The following GPC6 variants were observed in gnomAD, a reference collection of about 807,000 sequenced individuals.
GPC6 encodes glypican 6, also known as glypican-6.
In GPC6, 14 loss-of-function variants were observed where a neutral mutation model predicts 55.2. The ratio of observed to expected loss-of-function variants is 0.25; its 90% CI spans 0.17 to 0.40. The LOEUF (loss-of-function observed/expected upper bound fraction) is 0.40, where lower values mean the gene tolerates loss of function less well. Among genes scored for constraint, GPC6 ranks in the 10% least tolerant of loss-of-function variants. The pLI is 1.00. For missense variants in GPC6, 641 were observed against 708.5 expected (o/e 0.90, Z 1.08); for synonymous variants, 278 against 259.6 (o/e 1.07, Z -0.68).
intron 4 of GPC6, among the ~76,000 whole-genome samples, chr13:94,070,162 G>C (rs1414700394): frequency 6.6e-6 from 1 of 152,192 alleles, no homozygotes; most frequent in East Asian, 1.9e-4. Context: ...CATCTTACAA[G>C]GATGGCGGCA....
chr13:93,996,101 A>AT (rs1881541810), intron 3 of GPC6, among the ~76,000 whole-genome samples: 1 of 152,204 alleles, frequency 6.6e-6, no homozygotes, highest in Non-Finnish European at 1.5e-5. Context: ...TCCTGGAACC[A>AT]TTTTTATTTG....
intron 1 of GPC6, among the ~76,000 whole-genome samples, chr13:93,232,744 T>G (rs1473161910): frequency 2.0e-5 from 3 of 152,180 alleles, no homozygotes; most frequent in Non-Finnish European, 4.4e-5. Context: ...AAATTATGGA[T>G]GAAATTTACG....
At chr13:93,494,049 C>T (rs1284872612) in intron 1 of GPC6, among the ~76,000 whole-genome samples, 4 of 127,536 alleles carry the variant, frequency 3.1e-5, no homozygotes, top group African/African-American at 8.9e-5. Flanking sequence ...CCGCTTGGTG[C>T]AGCGCTGAGT....
chr13:93,826,053 T>C (rs1382939208), intron 2 of GPC6, among the ~76,000 whole-genome samples: 7 of 151,604 alleles, frequency 4.6e-5, no homozygotes, highest in Non-Finnish European at 8.8e-5. Context: ...AGAGACGGGG[T>C]TTCACCAGTT....
At chr13:94,170,192 A>C (rs1475873066) in intron 4 of GPC6, among the ~76,000 whole-genome samples, 1 of 152,224 alleles carries the variant, frequency 6.6e-6, no homozygotes, top group Non-Finnish European at 1.5e-5. Flanking sequence ...CACACAAGCA[A>C]TGGCATCAGC....
At chr13:93,738,514 A>G (rs192584638) in intron 2 of GPC6, among the ~76,000 whole-genome samples, 41 of 152,252 alleles carry the variant, frequency 2.7e-4, no homozygotes, top group East Asian at 1.5e-3. Flanking sequence ...TTCATATACC[A>G]CATATTTACT....
chr13:93,804,774 T>C (rs924616471), intron 2 of GPC6, among the ~76,000 whole-genome samples: 1 of 152,190 alleles, frequency 6.6e-6, no homozygotes. Context: ...TTTCCTACTA[T>C]GCTGCAGGCA....
chr13:93,455,850 A>G (rs896289918), intron 1 of GPC6, among the ~76,000 whole-genome samples: 1 of 152,138 alleles, frequency 6.6e-6, no homozygotes, highest in Non-Finnish European at 1.5e-5. Context: ...ACCCTCTCAA[A>G]TATCAAGCAT....
intron 1 of GPC6, among the ~76,000 whole-genome samples, chr13:93,297,015 T>C (rs900098809): frequency 2.0e-5 from 3 of 152,166 alleles, no homozygotes; most frequent in Non-Finnish European, 2.9e-5. Context: ...CTGAGTCACG[T>C]GTAGGCTGGA....
intron 4 of GPC6, among the ~76,000 whole-genome samples, chr13:94,177,570 CCAAT>C (rs371474784): frequency 1.9e-3 from 285 of 152,106 alleles, no homozygotes; most frequent in African/African-American, 6.5e-3. Flanking sequence ...TCAATTGTCA[CCAAT>C]CAAATTAGCA....
chr13:93,339,422 C>T (rs2139147812), intron 1 of GPC6, among the ~76,000 whole-genome samples: 1 of 150,272 alleles, frequency 6.7e-6, no homozygotes, highest in Middle Eastern at 3.6e-3. Flanking sequence ...ATCAAGTGCT[C>T]ATTTATTATC....
chr13:94,303,889 G>C (rs1210761819), intron 5 of GPC6, among the ~76,000 whole-genome samples: 4 of 152,018 alleles, frequency 2.6e-5, no homozygotes, highest in African/African-American at 9.7e-5. Flanking sequence ...AACCCAGTGA[G>C]CCACATTTTT....
chr13:93,254,636 T>A (rs1262047410), intron 1 of GPC6, among the ~76,000 whole-genome samples: 1 of 152,156 alleles, frequency 6.6e-6, no homozygotes, highest in Non-Finnish European at 1.5e-5. Flanking sequence ...CATTTGAAAG[T>A]GTGAACATTT....
intron 1 of GPC6, among the ~76,000 whole-genome samples, chr13:93,441,595 C>T (rs1877805903): frequency 6.6e-6 from 1 of 151,858 alleles, no homozygotes; most frequent in African/African-American, 2.4e-5. Context: ...GGATATTAGC[C>T]CTTTGTCAGA....
At chr13:94,061,155 T>C (rs988729641) in intron 4 of GPC6, among the ~76,000 whole-genome samples, 1 of 152,202 alleles carries the variant, frequency 6.6e-6, no homozygotes, top group African/African-American at 2.4e-5. Context: ...ATAAATGTAA[T>C]TGTTTTCAAA....
At chr13:93,734,748 A>G (rs1311416828) in intron 2 of GPC6, among the ~76,000 whole-genome samples, 6 of 152,180 alleles carry the variant, frequency 3.9e-5, no homozygotes, top group Non-Finnish European at 8.8e-5. Flanking sequence ...AAAATAACCA[A>G]TTGCCTGATT....
chr13:93,255,741 C>T (rs1274474485), intron 1 of GPC6, among the ~76,000 whole-genome samples: 1 of 152,086 alleles, frequency 6.6e-6, no homozygotes, highest in Non-Finnish European at 1.5e-5. Context: ...AAAATATAAG[C>T]CTGTATACCA....
chr13:94,351,977 A>AG (rs1243706565), intron 6 of GPC6, among the ~76,000 whole-genome samples: 25 of 140,186 alleles, frequency 1.8e-4, no homozygotes, highest in East Asian at 8.1e-4. Context: ...AAAAAAAAAA[A>AG]AAAAAGAAAA....
intron 1 of GPC6, among the ~76,000 whole-genome samples, chr13:93,335,321 C>T (rs1371596525): frequency 6.6e-6 from 1 of 152,106 alleles, no homozygotes; most frequent in African/African-American, 2.4e-5. Flanking sequence ...AATAATACAC[C>T]TCACATCATT....
Sources: gnomAD v4.1 joint callset for allele counts (sites outside exome capture counted in the v4.1 genomes callset) on GRCh38, gnomAD v4.1.1 for gene constraint, MANE v1.5 for transcripts, NCBI Gene and HGNC (gene_info 2026-07-23, HGNC 2026-07-21) for gene names.